The following SYCP2 variants were observed in gnomAD, a reference collection of about 807,000 sequenced individuals.
The protein encoded by SYCP2 is synaptonemal complex lateral element protein.
In SYCP2, 55 loss-of-function variants were observed where a neutral mutation model predicts 211.3. The observed-to-expected ratio is 0.26, with a 90% CI of 0.21 to 0.33. The LOEUF is 0.33. SYCP2 is among the 10% of genes least tolerant of loss of function. The pLI is 1.00. For synonymous variants in SYCP2, 570 were observed against 555.2 expected (o/e 1.03, Z -0.37); for missense variants, 1,731 against 1,752.0 (o/e 0.99, Z 0.21).
chr20:59,911,919 A>G (rs1430808858), intron 13 of SYCP2, 74 bp from the exon 14 acceptor site: 16 of 641,164 alleles, frequency 2.5e-5, no homozygotes, highest in Non-Finnish European at 3.0e-5. Flanking sequence ...TGTTATATTC[A>G]TGGCTAAAGC....
intron 34 of SYCP2, 133 bp downstream of exon 34, chr20:59,875,138 C>A: frequency 3.6e-6 from 2 of 555,424 alleles, no homozygotes; most frequent in South Asian, 3.2e-5. Flanking sequence ...CATTAATTAG[C>A]TTAACAATGA....
chr20:59,923,115 A>G (rs2060571543), intron 2 of SYCP2, among the ~76,000 whole-genome samples: 1 of 151,958 alleles, frequency 6.6e-6, no homozygotes, highest in African/African-American at 2.4e-5. Flanking sequence ...GCTAATAGAA[A>G]ATATCCACCA....
intron 30 of SYCP2, 25 bp downstream of exon 30, chr20:59,880,941 G>A: frequency 9.4e-7 from 1 of 1,065,764 alleles, no homozygotes; most frequent in Non-Finnish European, 1.4e-6. Flanking sequence ...ACTTCTAATA[G>A]ACATATTGAG....
At chr20:59,910,481 C>T (rs888218249) in intron 14 of SYCP2, among the ~76,000 whole-genome samples, 2 of 146,350 alleles carry the variant, frequency 1.4e-5, no homozygotes, top group East Asian at 2.1e-4. Context: ...CCTGGGTTCA[C>T]GCCATTCTCC....
chr20:59,888,050 A>G (rs2059830741), intron 24 of SYCP2, among the ~76,000 whole-genome samples: 1 of 152,046 alleles, frequency 6.6e-6, no homozygotes, highest in Admixed American at 6.6e-5. Flanking sequence ...AAAACACCAG[A>G]AAGAGTTCAC....
intron 2 of SYCP2, among the ~76,000 whole-genome samples, chr20:59,928,741 G>A (rs1357171942): frequency 6.6e-6 from 1 of 152,058 alleles, no homozygotes; most frequent in African/African-American, 2.4e-5. Context: ...TAAATGGTCT[G>A]GGAAAAGTGA....
intron 18 of SYCP2, among the ~76,000 whole-genome samples, chr20:59,899,240 T>C (rs1224313015): frequency 6.6e-6 from 1 of 151,938 alleles, no homozygotes; most frequent in East Asian, 1.9e-4. Context: ...GTTCCAGATA[T>C]AAGGGGAGAA....
At chr20:59,900,336 T>C in intron 17 of SYCP2, 52 bp from the exon 18 acceptor site, 1 of 1,451,972 alleles carries the variant, frequency 6.9e-7, no homozygotes, top group South Asian at 1.4e-5. Context: ...CCACAGAAAG[T>C]AATCAACAAT....
At chr20:59,923,857 CAGA>C (rs1334593708) in intron 2 of SYCP2, among the ~76,000 whole-genome samples, 7 of 151,524 alleles carry the variant, frequency 4.6e-5, no homozygotes, top group African/African-American at 9.7e-5. Flanking sequence ...GAAAGAGACC[CAGA>C]AGAAGAAAGA....
At chr20:59,891,927 T>G in intron 24 of SYCP2, 63 bp downstream of exon 24, 1 of 1,380,492 alleles carries the variant, frequency 7.2e-7, no homozygotes, top group Middle Eastern at 1.9e-4. Flanking sequence ...GTTTCTTTCT[T>G]TCTTATGTTA....
At chr20:59,877,596 G>C in intron 32 of SYCP2, 41 bp from the exon 33 acceptor site, 1 of 1,520,386 alleles carries the variant, frequency 6.6e-7, no homozygotes. Flanking sequence ...CAATATTTGA[G>C]GTACAAGAAA....
chr20:59,884,464 A>G (rs960186978), intron 26 of SYCP2, among the ~76,000 whole-genome samples: 17 of 152,262 alleles, frequency 1.1e-4, no homozygotes, highest in African/African-American at 3.6e-4. Flanking sequence ...ATTAAATATC[A>G]CTAAATAATT....
rs756989243 is a variant in SYCP2, at chr20:59,900,201, A to T, written c.1341T>A (p.Phe447Leu). 1 of 1,613,344 alleles carries T rather than the reference A, an allele frequency of 6.2e-7. No homozygotes were observed. The highest frequency in any genetic ancestry group is 1.7e-5 in the Admixed American group (1 of 59,962). Residue 447 changes from phenylalanine to leucine, a missense_variant, in exon 18 of 45, where the codon TTT (phenylalanine) becomes TTA (leucine). Phe to Leu is a conservative substitution (Grantham distance 22). This residue lies in a region of SYCP2 where 1,387 missense variants were observed against 1,351.3 expected (regional missense o/e 1.03). Coordinates refer to ENST00000357552, the MANE Select transcript of SYCP2 (RefSeq NM_014258.4). ...TTTTGATATATTTTGAAGGTTTAGC[A>T]AATTCCTTTGGGGACTTTGATTTTT... Reference protein sequence around the residue: ...LKEKSKSPKEFAKPSKYIKNS... With the variant: ...LKEKSKSPKELAKPSKYIKNS...
intron 15 of SYCP2, among the ~76,000 whole-genome samples, chr20:59,907,047 A>T (rs911739653): frequency 6.6e-6 from 1 of 152,178 alleles, no homozygotes; most frequent in Non-Finnish European, 1.5e-5. Flanking sequence ...AGTTCCAGTT[A>T]TAGGATTGGA....
chr20:59,906,749 T>C (rs899833880), intron 15 of SYCP2, among the ~76,000 whole-genome samples: 3 of 151,962 alleles, frequency 2.0e-5, no homozygotes, highest in Non-Finnish European at 4.4e-5. Context: ...CAAGATACAA[T>C]TTTGGAGAAA....
In SYCP2 at chr20:59,922,389, C is replaced by A; in HGVS notation, c.24+1G>T. 1.3e-6 allele frequency: 2 copies of A among 1,569,208 alleles called. No homozygotes were observed. Among genetic ancestry groups the A allele is most frequent in the Non-Finnish European group, 1.7e-6 (2 of 1,164,028 alleles). ...CTTACTTTTGGTCTAGGACTACATA[C>A]CTGGAGATCTGGTCTTATTGGCATT... On this transcript the variant is annotated splice_donor_variant, in intron 3 of 44. Coordinates refer to ENST00000357552, the MANE Select transcript of SYCP2 (RefSeq NM_014258.4). LOFTEE classifies it high-confidence loss of function.
At chr20:59,914,378 A>C in intron 10 of SYCP2, 127 bp from the exon 11 acceptor site, 1 of 473,430 alleles carries the variant, frequency 2.1e-6, no homozygotes. Flanking sequence ...TGATTAATCT[A>C]TTAATATTTT....
intron 13 of SYCP2, chr20:59,912,071 G>C (rs1568970029): frequency 5.0e-6 from 2 of 403,182 alleles, no homozygotes; most frequent in East Asian, 8.2e-5. Flanking sequence ...AATATTCCAA[G>C]TGCTAATAAA....
At chr20:59,915,892 G>T (rs529533153) in intron 8 of SYCP2, among the ~76,000 whole-genome samples, 1 of 151,984 alleles carries the variant, frequency 6.6e-6, no homozygotes, top group Non-Finnish European at 1.5e-5. Context: ...TACTCGGAAG[G>T]GAGGCAGGAG....
Sources: gnomAD v4.1 joint callset for allele counts (sites outside exome capture counted in the v4.1 genomes callset) on GRCh38, gnomAD v4.1.1 for gene constraint, gnomAD v4.1.1 regional missense constraint, MANE v1.5 for transcripts, NCBI Gene and HGNC (gene_info 2026-07-23, HGNC 2026-07-21) for gene names.